The following CNTN4 variants were observed in gnomAD, a reference collection of about 807,000 sequenced individuals.
CNTN4 encodes the protein contactin-4.
Under a neutral mutation model 122.5 loss-of-function variants are expected in CNTN4, and 77 were observed. The observed-to-expected ratio is 0.63, with a 90% CI of 0.52 to 0.76. The LOEUF is 0.76. CNTN4 is among the 30% of genes least tolerant of loss of function. The probability of loss-of-function intolerance (pLI) is 0.00; values close to 1 mark genes in which losing one functional copy is unlikely to be tolerated. For synonymous variants in CNTN4, 512 were observed against 447.0 expected, an observed-to-expected ratio of 1.15 and a Z score of -1.83; for missense variants, 1,256 against 1,259.1, an observed-to-expected ratio of 1.00 and a Z score of 0.04.
intron 3 of CNTN4, among the ~76,000 whole-genome samples, chr3:2,546,147 C>G (rs914409820): frequency 6.6e-6 from 1 of 152,040 alleles, no homozygotes; most frequent in Non-Finnish European, 1.5e-5. Flanking sequence ...TAGCATTTGA[C>G]TCAGCAGTCC....
At chr3:2,412,094 G>A (rs556053119) in intron 3 of CNTN4, among the ~76,000 whole-genome samples, 5 of 152,042 alleles carry the variant, frequency 3.3e-5, no homozygotes, top group African/African-American at 9.6e-5. Context: ...TTTATGTCTG[G>A]CTTATTTTGC....
chr3:2,611,222 C>G (rs999147837), intron 4 of CNTN4, among the ~76,000 whole-genome samples: 1 of 144,028 alleles, frequency 6.9e-6, no homozygotes, highest in African/African-American at 2.6e-5. Context: ...CATATAGCAC[C>G]TGCTATGAGT....
intron 4 of CNTN4, among the ~76,000 whole-genome samples, chr3:2,669,748 C>T (rs1428026482): frequency 2.0e-5 from 3 of 152,198 alleles, no homozygotes; most frequent in Non-Finnish European, 4.4e-5. Context: ...AAATTTCCCT[C>T]TACACACTCC....
At position 2,548,052 on chromosome 3, in the gene CNTN4, C is replaced by A. The variant is rs561295707; in HGVS notation, c.-88-23364C>A. 2.0e-5 allele frequency among the ~76,000 whole-genome samples: 3 copies of A among 152,140 alleles called. No homozygotes were observed. In the South Asian group the frequency reaches 6.2e-4, roughly 32 times the overall value. The stretch of plus-strand genomic sequence containing the variant: ...GTTCCTGGTAGATTCTGGATATTAT[C>A]CCTTTCTCAGATAGATTATTAGCCC... On this transcript the variant is annotated intron_variant, in intron 3 of 24. Coordinates refer to ENST00000418658, the MANE Select transcript of CNTN4 (RefSeq NM_175607.3).
intron 3 of CNTN4, among the ~76,000 whole-genome samples, chr3:2,442,814 T>C (rs963763840): frequency 1.3e-5 from 2 of 152,188 alleles, no homozygotes; most frequent in East Asian, 3.8e-4. Context: ...CCAAACATTT[T>C]TGAAATGGTT....
intron 23 of CNTN4, among the ~76,000 whole-genome samples, chr3:3,046,234 C>T (rs1056462541): frequency 1.6e-4 from 25 of 152,144 alleles, no homozygotes; most frequent in African/African-American, 4.3e-4. Flanking sequence ...ACTTCCCCAG[C>T]CTAGCAAGGC....
intron 6 of CNTN4, among the ~76,000 whole-genome samples, chr3:2,767,525 TTTTTTGTTTTTG>T (rs372280758): frequency 7.8e-4 from 119 of 152,248 alleles, no homozygotes; most frequent in East Asian, 2.3e-3. Context: ...GTGAGTGGGC[TTTTTTGTTTTTG>T]TTTTTGTTTT....
rs181794172 is a variant in CNTN4 at position 2,532,315 on chromosome 3, G to A, written c.-88-39101G>A. On this transcript the variant is annotated intron_variant, in intron 3 of 24. Transcript: ENST00000418658. Reference sequence around the variant, plus strand: ...TCACCCTGGGCTGGACTGCAGTGGTGCAATCATGGCTAACTACAGCCTTAA... The same window carrying A: ...TCACCCTGGGCTGGACTGCAGTGGTACAATCATGGCTAACTACAGCCTTAA... Among the ~76,000 whole-genome samples, 431 of 152,138 alleles carry A rather than the reference G, an allele frequency of 2.8e-3. 2 individuals carry two copies. The highest frequency in any genetic ancestry group is 4.6e-3 in the Non-Finnish European group (310 of 68,000).
intron 2 of CNTN4, among the ~76,000 whole-genome samples, chr3:2,133,493 A>G (rs1009107310): frequency 2.0e-5 from 3 of 152,210 alleles, no homozygotes; most frequent in African/African-American, 2.4e-5. Context: ...TCCAATGTCA[A>G]TCTGTTCTCA....
In CNTN4 at chr3:2,278,645, A is replaced by G. The variant is rs536534779; in HGVS notation, c.-144-60533A>G. On this transcript the variant is annotated intron_variant, in intron 2 of 24. Coordinates refer to ENST00000418658, the MANE Select transcript of CNTN4 (RefSeq NM_175607.3). ...AAGAACTTTAAGATACTATTACAGC[A>G]TAGTCATTAAGAGAAAAGATGTTAA... Among the ~76,000 whole-genome samples, 38 of 152,360 alleles carry G rather than the reference A, an allele frequency of 2.5e-4. No homozygotes were observed. In the South Asian group the frequency reaches 5.2e-3, roughly 21 times the overall value.
chr3:2,577,659 A>G (rs1321685473), intron 4 of CNTN4, among the ~76,000 whole-genome samples: 5 of 152,192 alleles, frequency 3.3e-5, no homozygotes, highest in Non-Finnish European at 5.9e-5. Flanking sequence ...CTGGAATTCT[A>G]TTCAACTAAT....
At chr3:2,367,672 CAG>C (rs1320134715) in intron 3 of CNTN4, among the ~76,000 whole-genome samples, 1 of 152,084 alleles carries the variant, frequency 6.6e-6, no homozygotes, top group East Asian at 1.9e-4. Context: ...TTAGTAGAGA[CAG>C]GGGTTTCACC....
intron 2 of CNTN4, among the ~76,000 whole-genome samples, chr3:2,234,301 C>A (rs1426127590): frequency 2.1e-5 from 3 of 143,006 alleles, no homozygotes; most frequent in Non-Finnish European, 3.0e-5. Flanking sequence ...TCACTTGAAC[C>A]CAGGAGGAGG....
At chr3:2,700,832 A>G (rs1387074912) in intron 4 of CNTN4, among the ~76,000 whole-genome samples, 3 of 152,238 alleles carry the variant, frequency 2.0e-5, no homozygotes, top group Non-Finnish European at 2.9e-5. Context: ...ATCAGGGACT[A>G]TAATAATAGA....
At chr3:2,743,451 A>T (rs1278541073) in intron 5 of CNTN4, among the ~76,000 whole-genome samples, 1 of 152,206 alleles carries the variant, frequency 6.6e-6, no homozygotes, top group African/African-American at 2.4e-5. Context: ...ATACAAACAC[A>T]TAAAGAGGTA....
intron 13 of CNTN4, among the ~76,000 whole-genome samples, chr3:2,966,291 A>T (rs1438219726): frequency 2.0e-5 from 3 of 152,070 alleles, no homozygotes; most frequent in East Asian, 3.9e-4. Flanking sequence ...ACATATTTGG[A>T]TTTTTGGAGG....
chr3:2,932,064 G>T lies in CNTN4; in HGVS notation c.1358+6285G>T, dbSNP rs932133542. Among the ~76,000 whole-genome samples, 7 of 151,252 alleles carry T rather than the reference G, an allele frequency of 4.6e-5. 1 individual carries two copies. Among genetic ancestry groups the T allele is most frequent in the Admixed American group, 6.6e-5 (1 of 15,176 alleles). Reference sequence around the variant, plus strand: ...ATGTGTGTGTGTGGCCGGGGTGGGGGGTGGGAGTTTGGCTTAAACAGTACA... The same window carrying T: ...ATGTGTGTGTGTGGCCGGGGTGGGGTGTGGGAGTTTGGCTTAAACAGTACA... On this transcript the variant is annotated intron_variant, in intron 13 of 24. Coordinates refer to ENST00000418658, the MANE Select transcript of CNTN4 (RefSeq NM_175607.3).
At chr3:2,842,414 C>T (rs189333955) in intron 7 of CNTN4, among the ~76,000 whole-genome samples, 1 of 152,200 alleles carries the variant, frequency 6.6e-6, no homozygotes, top group African/African-American at 2.4e-5. Flanking sequence ...GAACTTCACT[C>T]TAGCTATCGT....
intron 12 of CNTN4, among the ~76,000 whole-genome samples, chr3:2,913,501 G>A (rs1418667912): frequency 6.6e-6 from 1 of 152,168 alleles, no homozygotes; most frequent in Non-Finnish European, 1.5e-5. Context: ...CCTAAAGAGA[G>A]CAAGGGTGAC....
Sources: allele counts gnomAD v4.1 joint callset (sites outside exome capture counted in the v4.1 genomes callset), GRCh38; gene constraint gnomAD v4.1.1; transcripts MANE v1.5; gene names NCBI Gene and HGNC (gene_info 2026-07-23, HGNC 2026-07-21).